Variants in KLHL20 observed in about 807,000 individuals in gnomAD.
KLHL20 encodes kelch like family member 20, also known as kelch-like protein 20.
KLHL20 carries 29 observed loss-of-function variants against 69.5 expected under a neutral mutation model. The ratio of observed to expected loss-of-function variants is 0.42; its 90% CI spans 0.31 to 0.57. KLHL20 has a LOEUF of 0.57. KLHL20 is among the 20% of genes least tolerant of loss of function. The probability of loss-of-function intolerance (pLI) is 0.18; values close to 1 mark genes in which losing one functional copy is unlikely to be tolerated. For synonymous variants in KLHL20, 253 were observed against 265.2 expected, an observed-to-expected ratio of 0.95 and a Z score of 0.45; for missense variants, 419 against 776.0, an observed-to-expected ratio of 0.54 and a Z score of 5.47.
chr1:173,770,419 C>T (rs1451391886), intron 8 of KLHL20, among the ~76,000 whole-genome samples: 2 of 152,044 alleles, frequency 1.3e-5, no homozygotes, highest in African/African-American at 4.8e-5. Context: ...AAATGAAGGC[C>T]GGGCACAGTG....
chr1:173,781,963 T>C, intron 10 of KLHL20, 161 bp from the exon 11 acceptor site: 1 of 544,336 alleles, frequency 1.8e-6, no homozygotes, highest in South Asian at 2.6e-5. Flanking sequence ...TTCCCATAAT[T>C]TGATAGACTT....
intron 5 of KLHL20, among the ~76,000 whole-genome samples, chr1:173,754,309 G>A (rs762665000): frequency 3.3e-5 from 5 of 151,966 alleles, no homozygotes; most frequent in Admixed American, 1.3e-4. Context: ...CAGACAGGCC[G>A]GGCGCAGTGG....
chr1:173,736,302 C>T (rs573858766), intron 3 of KLHL20, among the ~76,000 whole-genome samples: 27 of 152,050 alleles, frequency 1.8e-4, no homozygotes, highest in African/African-American at 6.3e-4. Flanking sequence ...GGTATATATA[C>T]ATACCACATT....
intron 2 of KLHL20, among the ~76,000 whole-genome samples, chr1:173,722,565 T>A (rs1671758477): frequency 6.6e-6 from 1 of 151,992 alleles, no homozygotes; most frequent in African/African-American, 2.4e-5. Context: ...TGCAGTGAGC[T>A]GTGATCATAC....
intron 11 of KLHL20, among the ~76,000 whole-genome samples, chr1:173,783,131 C>T (rs1648979489): frequency 6.6e-6 from 1 of 152,194 alleles, no homozygotes; most frequent in African/African-American, 2.4e-5. Flanking sequence ...ATTCTAAATA[C>T]TAGTCTTCTA....
At position 173,741,740 on chromosome 1, in the gene KLHL20, A is replaced by G. The variant is rs1001811712; in HGVS notation, c.597+7454A>G. 36 of 1,379,130 alleles carry G rather than the reference A, an allele frequency of 2.6e-5. No homozygotes were observed. In the East Asian group the frequency reaches 7.6e-4, roughly 29 times the overall value. 85.4% of individuals were successfully genotyped at this position (1,379,130 alleles called of 1,614,324 possible). On this transcript the variant is annotated intron_variant, in intron 3 of 11. Transcript: ENST00000209884. Reference sequence around the variant, plus strand: ...AGGAGAAGAGGAAACACAAGAAGAAATGCCTGGTTCAGAGCCCCAATTCCT... The same window carrying G: ...AGGAGAAGAGGAAACACAAGAAGAAGTGCCTGGTTCAGAGCCCCAATTCCT...
intron 7 of KLHL20, among the ~76,000 whole-genome samples, chr1:173,760,248 C>T (rs1202780231): frequency 2.0e-5 from 3 of 152,076 alleles, no homozygotes; most frequent in African/African-American, 7.2e-5. Flanking sequence ...TGAGAATAAT[C>T]GGTATATCCG....
At chr1:173,748,000 T>C (rs1482524553) in intron 3 of KLHL20, among the ~76,000 whole-genome samples, 1 of 151,850 alleles carries the variant, frequency 6.6e-6, no homozygotes, top group African/African-American at 2.4e-5. Flanking sequence ...TCACTACAAA[T>C]TCTTTATACA....
intron 2 of KLHL20, among the ~76,000 whole-genome samples, chr1:173,731,523 A>G (rs1672276909): frequency 6.6e-6 from 1 of 152,188 alleles, no homozygotes; most frequent in African/African-American, 2.4e-5. Flanking sequence ...TACACCATGG[A>G]ATACTATGCA....
At chr1:173,744,057 CTTCAT>C (rs2102488095) in intron 3 of KLHL20, among the ~76,000 whole-genome samples, 1 of 152,224 alleles carries the variant, frequency 6.6e-6, no homozygotes, top group East Asian at 1.9e-4. Context: ...CTAAGTTTAA[CTTCAT>C]TTAAGTATCA....
At chr1:173,753,919 A>AAT (rs1315062252) in intron 5 of KLHL20, among the ~76,000 whole-genome samples, 2 of 152,214 alleles carry the variant, frequency 1.3e-5, no homozygotes, top group African/African-American at 4.8e-5. Flanking sequence ...TTACATTCCC[A>AAT]ATTTGACAGA....
intron 2 of KLHL20, among the ~76,000 whole-genome samples, chr1:173,718,710 G>A (rs1214772501): frequency 6.6e-6 from 1 of 151,994 alleles, no homozygotes; most frequent in African/African-American, 2.4e-5. Flanking sequence ...AACAGAGAGA[G>A]ACCCCATCTC....
At chr1:173,723,564 A>G (rs1314850789) in intron 2 of KLHL20, among the ~76,000 whole-genome samples, 2 of 152,144 alleles carry the variant, frequency 1.3e-5, no homozygotes, top group Admixed American at 6.5e-5. Flanking sequence ...GTGTTTTATT[A>G]TACTGTAGTT....
Position 173,733,883 on chromosome 1 carries a change from G to A in KLHL20, c.194G>A (p.Arg65Gln), listed in dbSNP as rs968662542. The change falls in exon 3 of 12, where the codon CGG becomes CAG. Residue 65 changes from arginine to glutamine, a missense_variant. Physicochemically the swap from Arg to Gln is conservative, Grantham distance 43. Around this residue, in one of 6 missense-constraint regions of KLHL20, gnomAD observed 129 missense variants for 183.6 expected, o/e 0.70. Transcript: ENST00000209884. ...LEVINLLRKH[R>Q]ELCDVVLVVG... The stretch of plus-strand genomic sequence containing the variant: ...GTGATTAACCTTCTGAGAAAGCACC[G>A]GGAGCTATGTGATGTGGTGCTAGTT... 8.7e-6 allele frequency: 14 copies of A among 1,613,982 alleles called. No individual in the cohort carries two copies. The highest frequency in any genetic ancestry group is 1.2e-5 in the Non-Finnish European group (14 of 1,180,034).
chr1:173,778,060 ATTTT>A (rs957985194), intron 10 of KLHL20, among the ~76,000 whole-genome samples: 1 of 151,156 alleles, frequency 6.6e-6, no homozygotes, highest in Non-Finnish European at 1.5e-5. Flanking sequence ...TTGCCGGAAG[ATTTT>A]TTTTTCTTTT....
At chr1:173,728,554 C>T (rs917669947) in intron 2 of KLHL20, among the ~76,000 whole-genome samples, 2 of 152,188 alleles carry the variant, frequency 1.3e-5, no homozygotes, top group Admixed American at 1.3e-4. Context: ...TCTCAGACCA[C>T]AGTGCAATCA....
intron 10 of KLHL20, among the ~76,000 whole-genome samples, chr1:173,777,939 A>C (rs1648581985): frequency 6.6e-6 from 1 of 152,096 alleles, no homozygotes; most frequent in Admixed American, 6.6e-5. Context: ...GTGAGTTTGG[A>C]AGTGTTACCT....
At chr1:173,738,132 G>A (rs1251033273) in intron 3 of KLHL20, among the ~76,000 whole-genome samples, 1 of 151,882 alleles carries the variant, frequency 6.6e-6, no homozygotes, top group African/African-American at 2.4e-5. Context: ...GGTTTTCTAG[G>A]TATACAATCA....
chr1:173,723,588 C>T (rs1052537562), intron 2 of KLHL20, among the ~76,000 whole-genome samples: 37 of 152,192 alleles, frequency 2.4e-4, no homozygotes, highest in African/African-American at 8.9e-4. Context: ...GTCAGTGCTA[C>T]AGCTTTGGAA....
Sources: allele counts gnomAD v4.1 joint callset (sites outside exome capture counted in the v4.1 genomes callset), GRCh38; gene constraint gnomAD v4.1.1; regional missense constraint gnomAD v4.1.1; transcripts MANE v1.5; gene names NCBI Gene and HGNC (gene_info 2026-07-23, HGNC 2026-07-21).